SLC6A11: variants seen among roughly 807,000 people sequenced by gnomAD.
The protein encoded by SLC6A11 is solute carrier family 6 member 11.
In SLC6A11, 25 loss-of-function variants were observed where a neutral mutation model predicts 74.8. That is an observed-to-expected ratio of 0.33 (90% confidence interval 0.24 to 0.47). The LOEUF (loss-of-function observed/expected upper bound fraction) is 0.47, where lower values mean the gene tolerates loss of function less well. Among genes scored for constraint, SLC6A11 ranks in the 20% least tolerant of loss-of-function variants. The pLI is 1.00. For synonymous variants in SLC6A11, 330 were observed against 330.2 expected (o/e 1.00, Z 0.01); for missense variants, 574 against 837.0 (o/e 0.69, Z 3.88).
At chr3:10,854,215 C>A (rs983141257) in intron 5 of SLC6A11, among the ~76,000 whole-genome samples, 3 of 152,068 alleles carry the variant, frequency 2.0e-5, no homozygotes, top group Non-Finnish European at 2.9e-5. Context: ...TGGCGAAACC[C>A]CGTCTCTACT....
chr3:10,927,661 GC>G (rs2106633549), intron 9 of SLC6A11, among the ~76,000 whole-genome samples: 1 of 152,270 alleles, frequency 6.6e-6, no homozygotes, highest in East Asian at 1.9e-4. Context: ...GATAGACAGA[GC>G]CAGCCCTTGC....
At chr3:10,887,857 C>G (rs1580441) in intron 6 of SLC6A11, among the ~76,000 whole-genome samples, 29,056 of 152,194 alleles carry the variant, frequency 0.19, 3,427 homozygotes, top group Middle Eastern at 0.29. Flanking sequence ...GTCTGTAGTT[C>G]AGTGTAGCTA....
At chr3:10,901,735 C>T (rs988437537) in intron 6 of SLC6A11, among the ~76,000 whole-genome samples, 3 of 152,188 alleles carry the variant, frequency 2.0e-5, no homozygotes, top group African/African-American at 4.8e-5. Context: ...CTCCCCTTTC[C>T]TCATAATGGC....
At chr3:10,837,095 G>A (rs999171564) in intron 4 of SLC6A11, among the ~76,000 whole-genome samples, 7 of 152,172 alleles carry the variant, frequency 4.6e-5, no homozygotes, top group African/African-American at 1.7e-4. Flanking sequence ...TGGCCCTGGG[G>A]TTGGGGTGGG....
rs111421863 is a variant in SLC6A11 at position 10,885,846 on chromosome 3, A to G, written c.891+10751A>G. On this transcript the variant is annotated intron_variant, in intron 6 of 13. Transcript: ENST00000254488. ...CTCTATTCTACTCATCTCTGTAGCA[A>G]TGCTCTCTGGTGAGCCTTGAGCGGT... Among the ~76,000 whole-genome samples the G allele has an allele frequency of 3.6e-3, 554 of 152,224 alleles. 3 individuals are homozygous for G. The highest frequency in any genetic ancestry group is 5.9e-3 in the Non-Finnish European group (402 of 68,010).
chr3:10,904,015 CTG>C (rs1270433241), intron 6 of SLC6A11, among the ~76,000 whole-genome samples: 4 of 152,348 alleles, frequency 2.6e-5, no homozygotes, highest in Admixed American at 1.3e-4. Flanking sequence ...AGCAACCTAC[CTG>C]TGTCTAACCT....
At chr3:10,938,170 T>C in intron 13 of SLC6A11, 80 bp from the exon 14 acceptor site, 1 of 1,345,518 alleles carries the variant, frequency 7.4e-7, no homozygotes, top group African/African-American at 1.4e-5. Flanking sequence ...ATGTCCGCCG[T>C]GTGCTTGGGA....
intron 10 of SLC6A11, among the ~76,000 whole-genome samples, chr3:10,930,647 C>A (rs960925737): frequency 6.6e-6 from 1 of 152,156 alleles, no homozygotes; most frequent in African/African-American, 2.4e-5. Context: ...GGGGGTTAGC[C>A]TGATGCGTTA....
chr3:10,901,014 C>T (rs1010211393), intron 6 of SLC6A11, among the ~76,000 whole-genome samples: 1 of 152,096 alleles, frequency 6.6e-6, no homozygotes, highest in Admixed American at 6.5e-5. Context: ...GGTAGACATC[C>T]TACAGGGAGT....
intron 6 of SLC6A11, among the ~76,000 whole-genome samples, chr3:10,898,692 C>T (rs912529019): frequency 6.6e-6 from 1 of 152,180 alleles, no homozygotes; most frequent in Non-Finnish European, 1.5e-5. Context: ...GAGGGAGTTC[C>T]ACACTTTCCC....
intron 6 of SLC6A11, among the ~76,000 whole-genome samples, chr3:10,896,792 A>AG (rs1370945994): frequency 4.6e-5 from 7 of 152,196 alleles, no homozygotes; most frequent in African/African-American, 1.4e-4. Context: ...GGAAATGGTG[A>AG]GGGGGCATAG....
chr3:10,871,091 C>T (rs1221975401), intron 5 of SLC6A11, among the ~76,000 whole-genome samples: 3 of 152,166 alleles, frequency 2.0e-5, no homozygotes, highest in Non-Finnish European at 2.9e-5. Flanking sequence ...TTATCATCAG[C>T]CACATAATAA....
chr3:10,818,202 A>C (rs1440481322), intron 1 of SLC6A11, among the ~76,000 whole-genome samples: 1 of 151,704 alleles, frequency 6.6e-6, no homozygotes, highest in Non-Finnish European at 1.5e-5. Context: ...TATTGTCCTA[A>C]GGGTTAGTAG....
At chr3:10,856,612 G>A (rs899860131) in intron 5 of SLC6A11, among the ~76,000 whole-genome samples, 3 of 152,206 alleles carry the variant, frequency 2.0e-5, no homozygotes, top group African/African-American at 7.2e-5. Flanking sequence ...CAAAACTGGT[G>A]CGTTTCCCCC....
At chr3:10,819,183 T>C (rs1694103521) in intron 1 of SLC6A11, among the ~76,000 whole-genome samples, 1 of 152,194 alleles carries the variant, frequency 6.6e-6, no homozygotes, top group Non-Finnish European at 1.5e-5. Flanking sequence ...ACAATTTCTT[T>C]TACATTATCA....
At chr3:10,827,144 T>C (rs888529616) in intron 4 of SLC6A11, among the ~76,000 whole-genome samples, 5 of 152,246 alleles carry the variant, frequency 3.3e-5, no homozygotes, top group Admixed American at 6.5e-5. Flanking sequence ...GATGTTCATA[T>C]CATCCTATGA....
In SLC6A11 at chr3:10,896,189, G is replaced by C. The variant is rs528732932; in HGVS notation, c.892-15901G>C. 5.3e-5 allele frequency among the ~76,000 whole-genome samples: 8 copies of C among 152,370 alleles called. No individual in the cohort carries two copies. The South Asian group carries it at 1.4e-3, about 28-fold the overall frequency. On this transcript the variant is annotated intron_variant, in intron 6 of 13. Transcript: ENST00000254488. ...CTTTGTAGAACATCCACACCAGGGT[G>C]GGGAGGAGACAGTCAGGGCCTCTGA... is the stretch of plus-strand genomic sequence containing the variant.
chr3:10,910,155 C>T (rs1366073693), intron 6 of SLC6A11, among the ~76,000 whole-genome samples: 1 of 152,132 alleles, frequency 6.6e-6, no homozygotes, highest in Non-Finnish European at 1.5e-5. Flanking sequence ...CCCAGTGATA[C>T]TATTGTTAGA....
intron 6 of SLC6A11, among the ~76,000 whole-genome samples, chr3:10,875,721 A>G (rs981933947): frequency 6.6e-6 from 1 of 152,200 alleles, no homozygotes; most frequent in African/African-American, 2.4e-5. Context: ...AATGGTGGGC[A>G]GTAATTGTGC....
Sources: allele counts gnomAD v4.1 joint callset (sites outside exome capture counted in the v4.1 genomes callset), GRCh38; gene constraint gnomAD v4.1.1; transcripts MANE v1.5; gene names NCBI Gene and HGNC (gene_info 2026-07-23, HGNC 2026-07-21).